MBD5: variants seen among roughly 807,000 people sequenced by gnomAD.
MBD5 encodes methyl-CpG binding domain protein 5.
A neutral mutation model predicts 117.3 loss-of-function variants in MBD5; 13 were observed. That is an observed-to-expected ratio of 0.11 (90% CI 0.07 to 0.18). The LOEUF (loss-of-function observed/expected upper bound fraction) is 0.18, where lower values mean the gene tolerates loss of function less well. Ranked by LOEUF, MBD5 falls within the 10% of genes least tolerant of loss-of-function variation. The pLI, the probability that MBD5 is intolerant of heterozygous loss-of-function variation, is 1.00. For synonymous variants in MBD5, 727 were observed against 766.4 expected, an observed-to-expected ratio of 0.95 and a Z score of 0.85; for missense variants, 1,879 against 2,093.8, an observed-to-expected ratio of 0.90 and a Z score of 2.00.
At chr2:148,341,711 A>G (rs1444272525) in intron 3 of MBD5, among the ~76,000 whole-genome samples, 3 of 151,988 alleles carry the variant, frequency 2.0e-5, no homozygotes, top group Non-Finnish European at 4.4e-5. Context: ...ACTATTTAAT[A>G]TTAAATCCCA....
intron 2 of MBD5, among the ~76,000 whole-genome samples, chr2:148,208,554 G>C (rs1460639807): frequency 4.6e-5 from 7 of 152,128 alleles, no homozygotes; most frequent in Non-Finnish European, 8.8e-5. Context: ...ACCACGCCAG[G>C]CTATACCTAC....
chr2:148,308,487 C>CTTTTTTTTTTTTTTTTTTTTTT (rs1701948279), intron 3 of MBD5, among the ~76,000 whole-genome samples: 1 of 27,698 alleles, frequency 3.6e-5, no homozygotes. Context: ...TGATGGGGTT[C>CTTTTTTTTTTTTTTTTTTTTTT]TTTCTTTTTT....
intron 1 of MBD5, among the ~76,000 whole-genome samples, chr2:148,051,370 T>C (rs1028923534): frequency 6.6e-6 from 1 of 152,024 alleles, no homozygotes; most frequent in African/African-American, 2.4e-5. Context: ...ATAGAAATAG[T>C]TTTACTTCTA....
chr2:148,062,334 AAC>A (rs370933779), intron 1 of MBD5: 131 of 152,034 alleles, frequency 8.6e-4, no homozygotes, highest in African/African-American at 3.1e-3. Context: ...CTACTTTCAA[AAC>A]AGTTATAGTC....
chr2:148,427,599 T>C (rs1287956830), intron 4 of MBD5, among the ~76,000 whole-genome samples: 2 of 146,720 alleles, frequency 1.4e-5, no homozygotes, highest in Non-Finnish European at 3.0e-5. Context: ...TGAAAACACA[T>C]GGACACAGGA....
At chr2:148,072,875 G>T (rs890538232) in intron 1 of MBD5, among the ~76,000 whole-genome samples, 5 of 152,136 alleles carry the variant, frequency 3.3e-5, no homozygotes. Flanking sequence ...CTAAACCACA[G>T]TGATTTGGTT....
chr2:148,195,486 G>A (rs1359987801), intron 2 of MBD5, among the ~76,000 whole-genome samples: 2 of 152,028 alleles, frequency 1.3e-5, no homozygotes, highest in East Asian at 1.9e-4. Context: ...TCCCATAAAT[G>A]GTTATAACAA....
chr2:148,061,484 G>A (rs1221460281), intron 1 of MBD5, among the ~76,000 whole-genome samples: 1 of 151,708 alleles, frequency 6.6e-6, no homozygotes, highest in Non-Finnish European at 1.5e-5. Context: ...CATTGAAAAA[G>A]GGAAATCTAC....
Position 148,458,211 on chromosome 2 carries a change from A to G in MBD5, c.-548A>G. ...ATTTACATATGTTTCAGGCTACATT[A>G]TTGGAATTTTGAAGTCATGAAAACA... On this transcript the variant is annotated 5_prime_UTR_variant, in exon 5 of 14. Coordinates refer to ENST00000642680, the MANE Select transcript of MBD5 (RefSeq NM_001378120.1). 2.5e-6 allele frequency: 1 copy of G among 402,064 alleles called. No individual in the cohort carries two copies. Among genetic ancestry groups the G allele is most frequent in the East Asian group, 3.5e-5 (1 of 28,210 alleles). The allele number at this position is 402,064 out of a possible 1,614,324, so 24.9% of individuals were successfully genotyped here.
At chr2:148,420,095 A>G (rs1281925824) in intron 4 of MBD5, among the ~76,000 whole-genome samples, 1 of 152,144 alleles carries the variant, frequency 6.6e-6, no homozygotes, top group African/African-American at 2.4e-5. Context: ...ACCTGATACA[A>G]AATTGTTTTG....
intron 3 of MBD5, among the ~76,000 whole-genome samples, chr2:148,286,091 T>C (rs1374922124): frequency 6.6e-6 from 1 of 152,182 alleles, no homozygotes; most frequent in African/African-American, 2.4e-5. Context: ...TTTACAGTTA[T>C]TGTGACTAAA....
intron 2 of MBD5, among the ~76,000 whole-genome samples, chr2:148,179,437 A>G (rs1415268273): frequency 6.6e-6 from 1 of 152,134 alleles, no homozygotes; most frequent in East Asian, 1.9e-4. Flanking sequence ...TTAAACAGAA[A>G]AACTATTATT....
chr2:148,315,564 A>G (rs1181176955), intron 3 of MBD5, among the ~76,000 whole-genome samples: 1 of 152,200 alleles, frequency 6.6e-6, no homozygotes, highest in African/African-American at 2.4e-5. Flanking sequence ...TGAAGAGCCC[A>G]AGTATACAGA....
intron 3 of MBD5, among the ~76,000 whole-genome samples, chr2:148,290,978 G>A (rs1281141473): frequency 1.3e-5 from 2 of 152,172 alleles, no homozygotes; most frequent in African/African-American, 2.4e-5. Flanking sequence ...CCTACCAAGA[G>A]TGTATGAGGG....
chr2:148,254,235 T>C (rs917740330), intron 3 of MBD5, among the ~76,000 whole-genome samples: 21 of 152,216 alleles, frequency 1.4e-4, no homozygotes, highest in African/African-American at 4.8e-4. Context: ...GCTGCTATTA[T>C]GTTCTGCTGA....
chr2:148,278,165 C>A (rs1701159217), intron 3 of MBD5, among the ~76,000 whole-genome samples: 1 of 152,210 alleles, frequency 6.6e-6, no homozygotes, highest in Non-Finnish European at 1.5e-5. Context: ...ATTCTATCTT[C>A]TTTCACTTAA....
Position 148,513,024 on chromosome 2 carries a change from GT to G in MBD5, c.*85del. 1 of 1,278,354 alleles carries G rather than the reference GT, an allele frequency of 7.8e-7. No individual in the cohort carries two copies. Among genetic ancestry groups the G allele is most frequent in the South Asian group, 1.2e-5 (1 of 84,048 alleles). 79.2% of individuals were successfully genotyped at this position (1,278,354 alleles called of 1,614,324 possible). A position where few individuals can be genotyped will look rare whatever the true frequency, so the allele number is the denominator to read the frequency against. ...GTATATAGGTATTGATATAGCCACAGTTATATCAATATTTAGACTATGGCAG... is the reference window on the plus strand; with the variant it reads ...GTATATAGGTATTGATATAGCCACAGTATATCAATATTTAGACTATGGCAG... On this transcript the variant is annotated 3_prime_UTR_variant, in exon 14 of 14. Coordinates refer to ENST00000642680, the MANE Select transcript of MBD5 (RefSeq NM_001378120.1).
At chr2:148,330,485 G>T (rs1702616844) in intron 3 of MBD5, 1 of 152,142 alleles carries the variant, frequency 6.6e-6, no homozygotes, top group Non-Finnish European at 1.5e-5. Context: ...TTTTACAGAT[G>T]AGAAAATGGA....
intron 3 of MBD5, chr2:148,330,648 T>C (rs909802298): frequency 6.6e-6 from 1 of 152,192 alleles, no homozygotes; most frequent in Non-Finnish European, 1.5e-5. Flanking sequence ...TCAGGCATGA[T>C]TGTCTTTACG....
Sources: gnomAD v4.1 joint callset for allele counts (sites outside exome capture counted in the v4.1 genomes callset) on GRCh38, gnomAD v4.1.1 for gene constraint, MANE v1.5 for transcripts, NCBI Gene and HGNC (gene_info 2026-07-23, HGNC 2026-07-21) for gene names.